GRM8: variants seen among roughly 807,000 people sequenced by gnomAD.
GRM8 encodes the protein glutamate metabotropic receptor 8.
In GRM8, 47 loss-of-function variants were observed where a neutral mutation model predicts 87.2. The ratio of observed to expected loss-of-function variants is 0.54; its 90% CI spans 0.43 to 0.69. The LOEUF (loss-of-function observed/expected upper bound fraction) is 0.69, where lower values mean the gene tolerates loss of function less well. Ranked by LOEUF, GRM8 falls within the 30% of genes least tolerant of loss-of-function variation. The pLI, the probability that GRM8 is intolerant of heterozygous loss-of-function variation, is 0.00. For synonymous variants in GRM8, 396 were observed against 404.5 expected, an observed-to-expected ratio of 0.98 and a Z score of 0.25; for missense variants, 1,019 against 1,139.2, an observed-to-expected ratio of 0.89 and a Z score of 1.52.
At chr7:126,660,059 T>A (rs149862621) in intron 7 of GRM8, among the ~76,000 whole-genome samples, 1 of 152,200 alleles carries the variant, frequency 6.6e-6, no homozygotes, top group Non-Finnish European at 1.5e-5. Context: ...GTAGCTAAAT[T>A]TTTTCCTTCA....
At chr7:126,884,301 C>CG (rs577533754) in intron 6 of GRM8, among the ~76,000 whole-genome samples, 1 of 151,672 alleles carries the variant, frequency 6.6e-6, no homozygotes, top group African/African-American at 2.4e-5. Context: ...AAGGAAATCA[C>CG]GGGGGAAAAA....
At chr7:126,563,865 TCA>T (rs1321220058) in intron 8 of GRM8, among the ~76,000 whole-genome samples, 5 of 152,222 alleles carry the variant, frequency 3.3e-5, no homozygotes, top group Admixed American at 3.3e-4. Context: ...TATTGATTTC[TCA>T]CATGTGTGAA....
intron 3 of GRM8, among the ~76,000 whole-genome samples, chr7:126,980,597 T>A (rs1811424192): frequency 6.6e-6 from 1 of 152,240 alleles, no homozygotes; most frequent in African/African-American, 2.4e-5. Context: ...TTTTCAATCA[T>A]CAGTTTTAAA....
In GRM8 at chr7:127,012,363, GA is replaced by G. The variant is rs898871777; in HGVS notation, c.727+94132del. Among the ~76,000 whole-genome samples, 146 of 152,134 alleles carry G rather than the reference GA, an allele frequency of 9.6e-4. 1 individual carries two copies. Among genetic ancestry groups the G allele is most frequent in the African/African-American group, 3.5e-3 (144 of 41,508 alleles). ...TACTGTGCTAGCAATAAGAAACAAA[GA>G]AGAGCAAGTCTCTCAGAGCAGGGAT... is the stretch of plus-strand genomic sequence containing the variant. On this transcript the variant is annotated intron_variant, in intron 3 of 10. Coordinates refer to ENST00000339582, the MANE Select transcript of GRM8 (RefSeq NM_000845.3).
intron 1 of GRM8, among the ~76,000 whole-genome samples, chr7:127,245,368 C>A (rs1798531398): frequency 6.6e-6 from 1 of 152,198 alleles, no homozygotes; most frequent in African/African-American, 2.4e-5. Flanking sequence ...GGAGAAATGT[C>A]TAGGGGGAGT....
chr7:126,897,243 A>C (rs957696829), intron 6 of GRM8, among the ~76,000 whole-genome samples: 2 of 152,124 alleles, frequency 1.3e-5, no homozygotes, highest in South Asian at 2.1e-4. Flanking sequence ...TACAATATTC[A>C]CTATTGGGTC....
intron 3 of GRM8, among the ~76,000 whole-genome samples, chr7:127,044,771 C>A (rs142716357): frequency 6.6e-6 from 1 of 152,312 alleles, no homozygotes; most frequent in African/African-American, 2.4e-5. Context: ...GGCTAACATA[C>A]ACTGACCACT....
intron 9 of GRM8, among the ~76,000 whole-genome samples, chr7:126,460,353 A>G (rs1399975606): frequency 6.6e-6 from 1 of 151,608 alleles, no homozygotes; most frequent in Non-Finnish European, 1.5e-5. Flanking sequence ...ATTGGCACTA[A>G]GAGCCCCATG....
intron 8 of GRM8, among the ~76,000 whole-genome samples, chr7:126,588,066 G>A (rs1054341222): frequency 6.6e-6 from 1 of 152,098 alleles, no homozygotes; most frequent in African/African-American, 2.4e-5. Context: ...CAATGTAATG[G>A]CTTCATCTAG....
At chr7:126,752,492 C>T (rs558861577) in intron 7 of GRM8, among the ~76,000 whole-genome samples, 4 of 152,178 alleles carry the variant, frequency 2.6e-5, no homozygotes, top group African/African-American at 4.8e-5. Context: ...AAAATCAGTA[C>T]TTCCTAACTA....
At chr7:126,856,439 G>A (rs1373699268) in intron 6 of GRM8, among the ~76,000 whole-genome samples, 1 of 152,074 alleles carries the variant, frequency 6.6e-6, no homozygotes, top group Non-Finnish European at 1.5e-5. Context: ...AGAATTTATA[G>A]GGGAAACAGT....
rs904381105 is a variant in GRM8, at chr7:126,692,972, T to C, written c.1357+76893A>G. Among the ~76,000 whole-genome samples the C allele has an allele frequency of 2.0e-5, 3 of 152,218 alleles. No individual in the cohort carries two copies. In the South Asian group the frequency reaches 6.2e-4, roughly 32 times the overall value. The stretch of plus-strand genomic sequence containing the variant: ...TGTTTATATAACTATCCTTATTAAA[T>C]TATTTTAGCAATAAGAATGGTGTTG... On this transcript the variant is annotated intron_variant, in intron 7 of 10. Coordinates refer to ENST00000339582, the MANE Select transcript of GRM8 (RefSeq NM_000845.3).
At chr7:126,587,778 C>T (rs1247285336) in intron 8 of GRM8, among the ~76,000 whole-genome samples, 1 of 151,168 alleles carries the variant, frequency 6.6e-6, no homozygotes, top group Non-Finnish European at 1.5e-5. Context: ...ACATATATAA[C>T]AAACCTGCAT....
chr7:127,097,376 T>G (rs1276253679), intron 3 of GRM8, among the ~76,000 whole-genome samples: 1 of 152,060 alleles, frequency 6.6e-6, no homozygotes. Flanking sequence ...CAGAAGTGGG[T>G]GGATGGCATT....
intron 7 of GRM8, among the ~76,000 whole-genome samples, chr7:126,712,745 A>G (rs1390497918): frequency 6.6e-6 from 1 of 152,210 alleles, no homozygotes; most frequent in Non-Finnish European, 1.5e-5. Flanking sequence ...ATTTAAACAA[A>G]TTTACAAGAA....
intron 3 of GRM8, among the ~76,000 whole-genome samples, chr7:126,935,164 A>C (rs1056808525): frequency 1.3e-5 from 2 of 152,196 alleles, no homozygotes; most frequent in African/African-American, 4.8e-5. Context: ...TCTCAGTAGA[A>C]TGCAAATCTT....
intron 3 of GRM8, among the ~76,000 whole-genome samples, chr7:126,997,467 A>G (rs1315995391): frequency 6.6e-6 from 1 of 151,742 alleles, no homozygotes; most frequent in African/African-American, 2.4e-5. Flanking sequence ...TGAAATGAAG[A>G]AAACATAAAA....
At chr7:126,763,495 A>ACT (rs1817833815) in intron 7 of GRM8, among the ~76,000 whole-genome samples, 1 of 139,278 alleles carries the variant, frequency 7.2e-6, no homozygotes, top group Non-Finnish European at 1.6e-5. Flanking sequence ...ACACACACAC[A>ACT]CAATTGTAGA....
chr7:126,720,021 C>T lies in GRM8; in HGVS notation c.1357+49844G>A, dbSNP rs986730968. 2.6e-5 allele frequency among the ~76,000 whole-genome samples: 4 copies of T among 151,958 alleles called. No individual in the cohort carries two copies. In the East Asian group the frequency reaches 7.7e-4, roughly 29 times the overall value. The stretch of plus-strand genomic sequence containing the variant: ...TCTCTAGTAAGAGTAGCTGTTATAT[C>T]AATATACTATAAACATACCCTTTCT... On this transcript the variant is annotated intron_variant, in intron 7 of 10. Transcript: ENST00000339582.
Sources: allele counts gnomAD v4.1 joint callset (sites outside exome capture counted in the v4.1 genomes callset), GRCh38; gene constraint gnomAD v4.1.1; transcripts MANE v1.5; gene names NCBI Gene and HGNC (gene_info 2026-07-23, HGNC 2026-07-21).